The following RIMS2 variants were observed in gnomAD, a reference collection of about 807,000 sequenced individuals.
RIMS2 encodes the protein regulating synaptic membrane exocytosis protein 2.
In RIMS2, 59 loss-of-function variants were observed where a neutral mutation model predicts 174.4. The ratio of observed to expected loss-of-function variants is 0.34; its 90% CI spans 0.27 to 0.42. RIMS2 has a LOEUF of 0.42. RIMS2 is among the 10% of genes least tolerant of loss of function. The pLI is 1.00. For synonymous variants in RIMS2, 606 were observed against 572.5 expected, an observed-to-expected ratio of 1.06 and a Z score of -0.84; for missense variants, 1,620 against 1,666.3, an observed-to-expected ratio of 0.97 and a Z score of 0.48.
chr8:103,937,749 G>A (rs1369793696), intron 13 of RIMS2, among the ~76,000 whole-genome samples: 2 of 152,072 alleles, frequency 1.3e-5, no homozygotes, highest in East Asian at 1.9e-4. Context: ...AAATTGGAAG[G>A]GAATATGGTA....
Position 103,788,363 on chromosome 8 carries a change from C to T in RIMS2, c.698+21826C>T, listed in dbSNP as rs557621006. ...AGAGGCACTCTGCTTTTTAGAGTTT[C>T]CAGTTTTTCTGTTCTGTTTTTTCCC... On this transcript the variant is annotated intron_variant, in intron 3 of 23. Transcript: ENST00000504942. Among the ~76,000 whole-genome samples, 12 of 146,672 alleles carry T rather than the reference C, an allele frequency of 8.2e-5. No homozygotes were observed. In the East Asian group the frequency reaches 2.4e-3, roughly 29 times the overall value.
At chr8:103,885,438 A>G (rs371773136) in exon 4 of RIMS2, 13 of 1,612,410 alleles carry the variant, frequency 8.1e-6, no homozygotes, top group African/African-American at 5.3e-5. Context: ...CGATCTCAAC[A>G]TGAACCTCAG....
At chr8:103,528,805 T>C (rs1024006876) in intron 1 of RIMS2, among the ~76,000 whole-genome samples, 1 of 152,184 alleles carries the variant, frequency 6.6e-6, no homozygotes, top group African/African-American at 2.4e-5. Context: ...CCTTGTAGTA[T>C]AGTTTGAAGT....
chr8:103,584,076 G>A (rs1049097896), intron 1 of RIMS2, among the ~76,000 whole-genome samples: 1 of 152,108 alleles, frequency 6.6e-6, no homozygotes, highest in Non-Finnish European at 1.5e-5. Flanking sequence ...ATAAAGAAAG[G>A]ATCCGAAAAG....
intron 16 of RIMS2, among the ~76,000 whole-genome samples, chr8:103,984,430 A>G (rs1273302410): frequency 6.6e-6 from 1 of 152,222 alleles, no homozygotes; most frequent in Non-Finnish European, 1.5e-5. Flanking sequence ...AGACATACAA[A>G]TAGCAACCGG....
At chr8:104,075,571 A>C (rs2097273524) in intron 19 of RIMS2, among the ~76,000 whole-genome samples, 1 of 152,184 alleles carries the variant, frequency 6.6e-6, no homozygotes, top group African/African-American at 2.4e-5. Flanking sequence ...CAGTGGCTGT[A>C]CCTGGATTTC....
chr8:103,667,148 C>T (rs1423223660), intron 1 of RIMS2, among the ~76,000 whole-genome samples: 1 of 152,120 alleles, frequency 6.6e-6, no homozygotes, highest in East Asian at 1.9e-4. Flanking sequence ...TTGTTTCAAC[C>T]AAGCAACCTA....
chr8:103,676,181 A>T (rs2096807812), intron 1 of RIMS2, among the ~76,000 whole-genome samples: 1 of 152,126 alleles, frequency 6.6e-6, no homozygotes, highest in African/African-American at 2.4e-5. Context: ...CTTCCCTTTC[A>T]TACACCCTTA....
chr8:103,727,951 A>ATT (rs34958697), intron 2 of RIMS2, among the ~76,000 whole-genome samples: 22 of 151,182 alleles, frequency 1.5e-4, no homozygotes, highest in East Asian at 1.2e-3. Flanking sequence ...AAATTTTAGT[A>ATT]TTTTTTTTTA....
intron 19 of RIMS2, among the ~76,000 whole-genome samples, chr8:104,025,222 G>T (rs1228160798): frequency 6.6e-6 from 1 of 152,174 alleles, no homozygotes; most frequent in Non-Finnish European, 1.5e-5. Context: ...GCCAGGTGCA[G>T]TGGCTCACAG....
chr8:104,118,688 G>A (rs2098324339), intron 19 of RIMS2, among the ~76,000 whole-genome samples: 1 of 151,966 alleles, frequency 6.6e-6, no homozygotes, highest in East Asian at 1.9e-4. Flanking sequence ...AAGTTTTCAT[G>A]GTGTTTTAGT....
chr8:104,163,064 C>T (rs2098773457), intron 19 of RIMS2, among the ~76,000 whole-genome samples: 1 of 152,058 alleles, frequency 6.6e-6, no homozygotes, highest in Non-Finnish European at 1.5e-5. Context: ...ATACTAGGAG[C>T]AATGATATCA....
intron 17 of RIMS2, among the ~76,000 whole-genome samples, chr8:104,008,859 C>T (rs2095668888): frequency 6.6e-6 from 1 of 151,926 alleles, no homozygotes; most frequent in Non-Finnish European, 1.5e-5. Context: ...TCTAACTCAA[C>T]AGAAAGATTC....
At chr8:103,760,776 C>A (rs1036649648) in intron 2 of RIMS2, among the ~76,000 whole-genome samples, 6 of 152,168 alleles carry the variant, frequency 3.9e-5, no homozygotes, top group African/African-American at 1.4e-4. Flanking sequence ...CTCCCTAGTA[C>A]ACTTTATACT....
chr8:103,693,006 AC>A (rs1205589885), intron 1 of RIMS2, among the ~76,000 whole-genome samples: 3 of 151,630 alleles, frequency 2.0e-5, no homozygotes, highest in Non-Finnish European at 2.9e-5. Context: ...AGGATCCCAG[AC>A]CCCTTTAGCT....
rs539948935 is a variant in RIMS2 at position 103,559,514 on chromosome 8, T to A, written c.176+58452T>A. 3.7e-5 allele frequency: 9 copies of A among 242,190 alleles called. No homozygotes were observed. The South Asian group carries it at 4.1e-4, about 11-fold the overall frequency. The allele number at this position is 242,190 out of a possible 1,614,324, so 15.0% of individuals were successfully genotyped here. A position where few individuals can be genotyped will look rare whatever the true frequency, so the allele number is the denominator to read the frequency against. On this transcript the variant is annotated intron_variant, in intron 1 of 23. Coordinates refer to ENST00000504942, the Ensembl canonical transcript of RIMS2. ...GGCTGCTGTGAGAAGGGAGCAGGACTGAGAACAATGCAGAGATGGCTTTTA... is the reference window on the plus strand; with the variant it reads ...GGCTGCTGTGAGAAGGGAGCAGGACAGAGAACAATGCAGAGATGGCTTTTA...
At chr8:104,070,651 C>G (rs889981923) in intron 19 of RIMS2, among the ~76,000 whole-genome samples, 5 of 152,010 alleles carry the variant, frequency 3.3e-5, no homozygotes, top group African/African-American at 1.2e-4. Context: ...GAGGCCAAAG[C>G]ATAAAGTCCT....
At chr8:103,923,105 A>T (rs1308126955) in intron 10 of RIMS2, among the ~76,000 whole-genome samples, 1 of 151,896 alleles carries the variant, frequency 6.6e-6, no homozygotes, top group African/African-American at 2.4e-5. Context: ...ACATATATCG[A>T]CAGCCCATAT....
At chr8:103,550,548 A>G (rs1161040848) in intron 1 of RIMS2, among the ~76,000 whole-genome samples, 1 of 152,160 alleles carries the variant, frequency 6.6e-6, no homozygotes, top group Non-Finnish European at 1.5e-5. Flanking sequence ...TAAAAGAACT[A>G]GAGAAGCAAG....
Sources: allele counts gnomAD v4.1 joint callset (sites outside exome capture counted in the v4.1 genomes callset), GRCh38; gene constraint gnomAD v4.1.1; transcripts MANE v1.5; gene names NCBI Gene and HGNC (gene_info 2026-07-23, HGNC 2026-07-21).